Variants in NAALADL2 observed in about 807,000 individuals in gnomAD.
The protein encoded by NAALADL2 is inactive N-acetylated-alpha-linked acidic dipeptidase-like protein 2.
A neutral mutation model predicts 87.2 loss-of-function variants in NAALADL2; 76 were observed. That is an observed-to-expected ratio of 0.87 (90% confidence interval 0.72 to 1.05). The LOEUF (loss-of-function observed/expected upper bound fraction) is 1.05. Ranked by LOEUF, NAALADL2 falls within the 50% of genes least tolerant of loss-of-function variation. The pLI, the probability that NAALADL2 is intolerant of heterozygous loss-of-function variation, is 0.00. For missense variants in NAALADL2, 1,089 were observed against 945.8 expected, an observed-to-expected ratio of 1.15 and a Z score of -1.99; for synonymous variants, 354 against 331.0, an observed-to-expected ratio of 1.07 and a Z score of -0.75.
intron 10 of NAALADL2, among the ~76,000 whole-genome samples, chr3:175,612,727 G>C (rs1213405303): frequency 6.6e-6 from 1 of 152,084 alleles, no homozygotes; most frequent in Non-Finnish European, 1.5e-5. Flanking sequence ...TTACCAGAGA[G>C]ACCAGGTTTT....
rs143595283 is a variant in NAALADL2, at chr3:174,590,499, T to G, written c.-115+39862T>G. 5.4e-3 allele frequency among the ~76,000 whole-genome samples: 830 copies of G among 152,300 alleles called. 11 individuals carry two copies. Among genetic ancestry groups the G allele is most frequent in the African/African-American group, 0.018 (745 of 41,568 alleles). ...CTATCTTGAAAAGATAATTAAATTT[T>G]ATTTTTTACTGATAGATTTTGTCCC... On this transcript the variant is annotated intron_variant, in intron 2 of 3. Transcript: ENST00000434257.
chr3:174,970,555 C>A (rs1213039982), intron 1 of NAALADL2, among the ~76,000 whole-genome samples: 1 of 152,158 alleles, frequency 6.6e-6, no homozygotes, highest in Non-Finnish European at 1.5e-5. Flanking sequence ...GTGCTATCCT[C>A]TATTCATTAA....
chr3:175,065,140 C>A (rs900174216), intron 1 of NAALADL2, among the ~76,000 whole-genome samples: 5 of 152,036 alleles, frequency 3.3e-5, no homozygotes, highest in African/African-American at 1.2e-4. Context: ...GATGTCAGAG[C>A]TGAATTTGAA....
chr3:175,425,959 GACA>G (rs1421323405), intron 5 of NAALADL2, among the ~76,000 whole-genome samples: 1 of 152,192 alleles, frequency 6.6e-6, no homozygotes, highest in Non-Finnish European at 1.5e-5. Flanking sequence ...CTTGGGGGTT[GACA>G]ACCTCAGATT....
intron 1 of NAALADL2, among the ~76,000 whole-genome samples, chr3:175,071,958 A>G (rs79652830): frequency 0.11 from 16,993 of 151,974 alleles, 1,079 homozygotes; most frequent in East Asian, 0.21. Flanking sequence ...TGGCAGTCAT[A>G]TATTCTGTCT....
intron 5 of NAALADL2, among the ~76,000 whole-genome samples, chr3:175,337,213 G>A (rs1762074815): frequency 6.7e-6 from 1 of 149,004 alleles, no homozygotes; most frequent in Non-Finnish European, 1.5e-5. Flanking sequence ...GTCTTGGTTG[G>A]TCTGTGTATT....
intron 1 of NAALADL2, among the ~76,000 whole-genome samples, chr3:174,946,825 G>C (rs930829601): frequency 2.6e-5 from 4 of 152,052 alleles, no homozygotes; most frequent in Admixed American, 1.3e-4. Context: ...TGAAAACTCT[G>C]CATACTCTCT....
chr3:175,019,185 C>T (rs1030056494), intron 1 of NAALADL2, among the ~76,000 whole-genome samples: 5 of 151,954 alleles, frequency 3.3e-5, no homozygotes, highest in African/African-American at 1.2e-4. Context: ...TTCTGGGTCA[C>T]ATTTCTTCTT....
intron 1 of NAALADL2, among the ~76,000 whole-genome samples, chr3:174,869,217 T>C (rs777016420): frequency 6.6e-6 from 1 of 152,132 alleles, no homozygotes; most frequent in Non-Finnish European, 1.5e-5. Flanking sequence ...GATGAAATTA[T>C]AGAGTATAAC....
chr3:174,882,350 C>T (rs1318448649), intron 1 of NAALADL2, among the ~76,000 whole-genome samples: 1 of 151,434 alleles, frequency 6.6e-6, no homozygotes, highest in African/African-American at 2.4e-5. Flanking sequence ...TAGAAAAGGA[C>T]ACAAAATAGT....
intron 2 of NAALADL2, among the ~76,000 whole-genome samples, chr3:174,693,975 G>A (rs1370120252): frequency 6.6e-6 from 1 of 152,132 alleles, no homozygotes; most frequent in Non-Finnish European, 1.5e-5. Context: ...CTGGAAAGCT[G>A]TAGTTTCTTC....
chr3:175,694,195 T>C (rs1281711565), intron 11 of NAALADL2, among the ~76,000 whole-genome samples: 1 of 152,188 alleles, frequency 6.6e-6, no homozygotes, highest in African/African-American at 2.4e-5. Flanking sequence ...AGACATTATA[T>C]AGTTGATATT....
intron 1 of NAALADL2, among the ~76,000 whole-genome samples, chr3:174,471,368 T>G (rs1716892034): frequency 6.6e-6 from 1 of 152,142 alleles, no homozygotes; most frequent in Admixed American, 6.5e-5. Context: ...TCCAGTTCAT[T>G]GATAACAATG....
chr3:175,386,418 A>C (rs1456931438), intron 5 of NAALADL2, among the ~76,000 whole-genome samples: 1 of 151,680 alleles, frequency 6.6e-6, no homozygotes, highest in East Asian at 1.9e-4. Flanking sequence ...CAGAGTCCTG[A>C]TCTGTTTAGA....
intron 1 of NAALADL2, among the ~76,000 whole-genome samples, chr3:174,519,326 CTTTTT>C (rs557612913): frequency 2.3e-5 from 3 of 128,926 alleles, no homozygotes; most frequent in Admixed American, 7.8e-5. Context: ...TGAAGATTTC[CTTTTT>C]TTTTTTTTTT....
intron 11 of NAALADL2, among the ~76,000 whole-genome samples, chr3:175,722,599 G>A (rs149411408): frequency 1.3e-5 from 2 of 152,208 alleles, no homozygotes; most frequent in Non-Finnish European, 2.9e-5. Context: ...GCCTCTTTTG[G>A]TGCTGTTTTC....
At chr3:175,646,446 A>T (rs928125973) in intron 11 of NAALADL2, among the ~76,000 whole-genome samples, 10 of 152,058 alleles carry the variant, frequency 6.6e-5, no homozygotes, top group Non-Finnish European at 1.5e-5. Context: ...CCAAATCCAG[A>T]TACAATTTGG....
chr3:174,566,773 C>T (rs749216444), intron 2 of NAALADL2, among the ~76,000 whole-genome samples: 2 of 150,428 alleles, frequency 1.3e-5, no homozygotes, highest in African/African-American at 4.9e-5. Context: ...GTTTCATTTT[C>T]AATTTTTTTT....
intron 1 of NAALADL2, among the ~76,000 whole-genome samples, chr3:174,505,824 A>G (rs1184032915): frequency 6.6e-6 from 1 of 152,210 alleles, no homozygotes; most frequent in Non-Finnish European, 1.5e-5. Flanking sequence ...CCCAATTTGA[A>G]ATTTGAACTT....
Sources: gnomAD v4.1 joint callset for allele counts (sites outside exome capture counted in the v4.1 genomes callset) on GRCh38, gnomAD v4.1.1 for gene constraint, MANE v1.5 for transcripts, NCBI Gene and HGNC (gene_info 2026-07-23, HGNC 2026-07-21) for gene names.